Variants in RIMS2 observed in about 807,000 individuals in gnomAD.
RIMS2 encodes the protein regulating synaptic membrane exocytosis 2.
A neutral mutation model predicts 174.4 loss-of-function variants in RIMS2; 59 were observed. The observed-to-expected ratio is 0.34, with a 90% CI of 0.27 to 0.42. RIMS2 has a LOEUF of 0.42. Among genes scored for constraint, RIMS2 ranks in the 10% least tolerant of loss-of-function variants. RIMS2 has a pLI of 1.00. For synonymous variants in RIMS2, 606 were observed against 572.5 expected (o/e 1.06, Z -0.84); for missense variants, 1,620 against 1,666.3 (o/e 0.97, Z 0.48).
chr8:103,762,561 A>G (rs1413163406), intron 2 of RIMS2, among the ~76,000 whole-genome samples: 1 of 152,170 alleles, frequency 6.6e-6, no homozygotes, highest in African/African-American at 2.4e-5. Flanking sequence ...ATTTCACAAC[A>G]TATATGTATT....
In RIMS2 at chr8:104,051,245, A is replaced by AGT. The variant is rs551760735; in HGVS notation, c.3334+36639_3334+36640dup. ...TGCAGCAAGACCCTGTCTCAAAACA[A>AGT]GTGTGTGTGTATATATATATATATG... On this transcript the variant is annotated intron_variant, in intron 19 of 23. Transcript: ENST00000504942. Among the ~76,000 whole-genome samples, 361 of 151,956 alleles carry AGT rather than the reference A, an allele frequency of 2.4e-3. 1 individual carries two copies. Among genetic ancestry groups the AGT allele is most frequent in the African/African-American group, 7.7e-3 (319 of 41,438 alleles).
chr8:104,051,842 G>A (rs1313425144), intron 19 of RIMS2, among the ~76,000 whole-genome samples: 1 of 152,158 alleles, frequency 6.6e-6, no homozygotes, highest in Non-Finnish European at 1.5e-5. Flanking sequence ...TGCTGATTAA[G>A]TGACAGACAT....
chr8:104,175,945 T>C (rs141265916), intron 19 of RIMS2, among the ~76,000 whole-genome samples: 469 of 152,268 alleles, frequency 3.1e-3, no homozygotes, highest in African/African-American at 0.01. Context: ...ATTCTCTTCA[T>C]GTTAGGACAT....
chr8:103,520,827 A>G (rs1007293077), intron 1 of RIMS2, among the ~76,000 whole-genome samples: 10 of 152,092 alleles, frequency 6.6e-5, no homozygotes, highest in African/African-American at 1.9e-4. Context: ...CATCTTTCAA[A>G]TAGTTTCATC....
chr8:103,616,781 C>CA (rs2095514679), intron 1 of RIMS2, among the ~76,000 whole-genome samples: 1 of 151,734 alleles, frequency 6.6e-6, no homozygotes, highest in Admixed American at 6.6e-5. Context: ...AATTGCCACA[C>CA]AAAAAATAAA....
intron 19 of RIMS2, among the ~76,000 whole-genome samples, chr8:104,070,437 A>G (rs1003581661): frequency 3.9e-5 from 6 of 152,244 alleles, no homozygotes; most frequent in African/African-American, 1.4e-4. Context: ...AACTTCAAAC[A>G]GGTATAGTAA....
intron 3 of RIMS2, among the ~76,000 whole-genome samples, chr8:103,792,655 T>TA (rs1414664949): frequency 7.8e-6 from 1 of 128,286 alleles, no homozygotes; most frequent in African/African-American, 2.9e-5. Flanking sequence ...TTTTTTTTTT[T>TA]AAAGATCAAC....
intron 19 of RIMS2, among the ~76,000 whole-genome samples, chr8:104,056,824 C>G (rs1418790698): frequency 6.6e-6 from 1 of 152,088 alleles, no homozygotes; most frequent in Non-Finnish European, 1.5e-5. Flanking sequence ...GGTAAAAACT[C>G]TATAATGAGC....
intron 3 of RIMS2, among the ~76,000 whole-genome samples, chr8:103,833,186 C>A (rs2098836593): frequency 6.6e-6 from 1 of 152,070 alleles, no homozygotes; most frequent in African/African-American, 2.4e-5. Context: ...TTTAAACTGG[C>A]CTTCATAGAT....
At chr8:103,529,304 A>C (rs571958498) in intron 1 of RIMS2, among the ~76,000 whole-genome samples, 1 of 152,054 alleles carries the variant, frequency 6.6e-6, no homozygotes, top group East Asian at 1.9e-4. Context: ...TGCTTTGTCT[A>C]CCTACTCAAG....
intron 1 of RIMS2, among the ~76,000 whole-genome samples, chr8:103,544,439 C>T (rs1475632102): frequency 2.6e-5 from 4 of 152,230 alleles, no homozygotes; most frequent in African/African-American, 9.6e-5. Context: ...TCAGTGCCTG[C>T]TAGAGCTTCC....
chr8:103,966,570 A>T (rs1160002523), intron 15 of RIMS2, among the ~76,000 whole-genome samples: 1 of 152,026 alleles, frequency 6.6e-6, no homozygotes, highest in Admixed American at 6.6e-5. Flanking sequence ...AAAGAACCAG[A>T]TTCTGATTTT....
At chr8:103,759,981 C>T (rs530197360) in intron 2 of RIMS2, among the ~76,000 whole-genome samples, 1 of 152,216 alleles carries the variant, frequency 6.6e-6, no homozygotes, top group East Asian at 1.9e-4. Flanking sequence ...GAGAACTTGT[C>T]CAAAGGAGCT....
intron 8 of RIMS2, among the ~76,000 whole-genome samples, chr8:103,917,216 T>C: frequency 6.6e-6 from 1 of 152,246 alleles, no homozygotes; most frequent in East Asian, 1.9e-4. Context: ...CATGCAGATT[T>C]GGGGTAAGAG....
chr8:103,761,284 G>A (rs1454311990), intron 2 of RIMS2, among the ~76,000 whole-genome samples: 1 of 152,216 alleles, frequency 6.6e-6, no homozygotes, highest in Non-Finnish European at 1.5e-5. Context: ...TCACATACAA[G>A]ATTGTGCTAG....
At chr8:104,198,860 A>G (rs1381544001) in intron 19 of RIMS2, among the ~76,000 whole-genome samples, 1 of 152,140 alleles carries the variant, frequency 6.6e-6, no homozygotes, top group East Asian at 1.9e-4. Context: ...CTGATATTAA[A>G]TCGATTAATA....
chr8:103,948,394 T>C (rs368880756), intron 14 of RIMS2, among the ~76,000 whole-genome samples: 2 of 152,366 alleles, frequency 1.3e-5, no homozygotes, highest in African/African-American at 4.8e-5. Flanking sequence ...AGCAGCATTA[T>C]TCACAATGAT....
chr8:104,011,754 A>G (rs1017138995), intron 17 of RIMS2, among the ~76,000 whole-genome samples: 2 of 152,066 alleles, frequency 1.3e-5, no homozygotes, highest in East Asian at 3.8e-4. Flanking sequence ...AAGATTTGTT[A>G]TATAATAAGA....
At chr8:104,141,247 G>A (rs1351394775) in intron 19 of RIMS2, among the ~76,000 whole-genome samples, 1 of 152,118 alleles carries the variant, frequency 6.6e-6, no homozygotes, top group Non-Finnish European at 1.5e-5. Context: ...TTTCTTTAAA[G>A]TAACTTCCTT....
Sources: gnomAD v4.1 joint callset for allele counts (sites outside exome capture counted in the v4.1 genomes callset) on GRCh38, gnomAD v4.1.1 for gene constraint, MANE v1.5 for transcripts, NCBI Gene and HGNC (gene_info 2026-07-23, HGNC 2026-07-21) for gene names.